CSGALNACT1: variants seen among roughly 807,000 people sequenced by gnomAD.
CSGALNACT1 encodes chondroitin sulfate N-acetylgalactosaminyltransferase 1.
In CSGALNACT1, 52 loss-of-function variants were observed where a neutral mutation model predicts 51.0. The ratio of observed to expected loss-of-function variants is 1.02; its 90% CI spans 0.82 to 1.29. The LOEUF is 1.29. Ranked by LOEUF, CSGALNACT1 falls within the 50% of genes most tolerant of loss-of-function variation. The pLI, the probability that CSGALNACT1 is intolerant of heterozygous loss-of-function variation, is 0.00. For missense variants in CSGALNACT1, 935 were observed against 679.2 expected (o/e 1.38, Z -4.19); for synonymous variants, 341 against 254.4 (o/e 1.34, Z -3.24).
intron 1 of CSGALNACT1, among the ~76,000 whole-genome samples, chr8:19,689,110 C>T (rs1458829737): frequency 6.6e-6 from 1 of 152,144 alleles, no homozygotes; most frequent in African/African-American, 2.4e-5. Context: ...TAATCCATCT[C>T]CTATTGCCCC....
At chr8:19,656,593 C>G (rs61005296) in intron 1 of CSGALNACT1, among the ~76,000 whole-genome samples, 2 of 95,892 alleles carry the variant, frequency 2.1e-5, no homozygotes, top group South Asian at 3.0e-4. Flanking sequence ...GAAACTACGC[C>G]CCCCCCCCAC....
intron 3 of CSGALNACT1, among the ~76,000 whole-genome samples, chr8:19,508,296 G>A (rs1250322082): frequency 6.6e-6 from 1 of 152,176 alleles, no homozygotes; most frequent in Non-Finnish European, 1.5e-5. Context: ...CCCAGGAGAT[G>A]TGCCTTTTAG....
intron 5 of CSGALNACT1, among the ~76,000 whole-genome samples, chr8:19,450,937 TA>T (rs201185027): frequency 1.8e-4 from 27 of 150,052 alleles, no homozygotes; most frequent in African/African-American, 4.7e-4. Flanking sequence ...TAAAAAATAA[TA>T]AAAAAAAAGG....
chr8:19,505,670 C>T, exon 4 of CSGALNACT1: 1 of 1,614,204 alleles, frequency 6.2e-7, no homozygotes, highest in African/African-American at 1.3e-5. Context: ...CCTGGTACCC[C>T]TCCTTCCCCG....
intron 3 of CSGALNACT1, among the ~76,000 whole-genome samples, chr8:19,524,541 T>G (rs569986297): frequency 6.6e-6 from 1 of 152,158 alleles, no homozygotes; most frequent in Non-Finnish European, 1.5e-5. Context: ...AGTCCTAATT[T>G]TTTTAATATT....
At chr8:19,694,629 A>AC (rs1310028003) in intron 1 of CSGALNACT1, among the ~76,000 whole-genome samples, 2 of 152,228 alleles carry the variant, frequency 1.3e-5, no homozygotes, top group Non-Finnish European at 2.9e-5. Flanking sequence ...GTTAGTGCTC[A>AC]CGAGGCCTTC....
At chr8:19,526,243 A>C (rs1312251675) in intron 3 of CSGALNACT1, among the ~76,000 whole-genome samples, 1 of 152,178 alleles carries the variant, frequency 6.6e-6, no homozygotes, top group Admixed American at 6.5e-5. Context: ...CATTTCCTTA[A>C]CTAGAGGGGC....
chr8:19,729,545 G>T (rs1179378193), intron 1 of CSGALNACT1, among the ~76,000 whole-genome samples: 1 of 152,140 alleles, frequency 6.6e-6, no homozygotes, highest in African/African-American at 2.4e-5. Context: ...AGGTTTCAAG[G>T]ATCAGAGGGC....
rs576705648 is a variant in CSGALNACT1 at position 19,718,828 on chromosome 8, G to A, written c.-297+39022C>T. 5.5e-4 allele frequency among the ~76,000 whole-genome samples: 84 copies of A among 152,258 alleles called. 1 individual carries two copies. In the South Asian group the frequency reaches 0.017, roughly 30 times the overall value. The stretch of plus-strand genomic sequence containing the variant: ...CTCTTCTGCAAGGATCACCACGACC[G>A]TGAAGCCCTCTCAGACCACAGGAAT... On this transcript the variant is annotated intron_variant, in intron 1 of 1. Transcript: ENST00000517494.
intron 1 of CSGALNACT1, among the ~76,000 whole-genome samples, chr8:19,694,453 A>G (rs2061487074): frequency 6.6e-6 from 1 of 152,272 alleles, no homozygotes; most frequent in Non-Finnish European, 1.5e-5. Context: ...AATTTTTCAA[A>G]AAGTTAAAAA....
Position 19,667,099 on chromosome 8 carries a change from G to GA in CSGALNACT1, c.-544+15373_-544+15374insT, listed in dbSNP as rs1564387675. 1.4e-3 allele frequency among the ~76,000 whole-genome samples: 158 copies of GA among 111,568 alleles called. 33 individuals are homozygous for GA. The highest frequency in any genetic ancestry group is 3.0e-3 in the African/African-American group (86 of 28,486). 73.2% of individuals were successfully genotyped at this position (111,568 alleles called of 152,430 possible). ...AGAAAGAAAGAAAGAAAGAAAGAAAGGGAAAGAAATCTCATCACAATATCA... is the reference window on the plus strand; with the variant it reads ...AGAAAGAAAGAAAGAAAGAAAGAAAGAGGAAAGAAATCTCATCACAATATCA... On this transcript the variant is annotated intron_variant, in intron 1 of 9. Transcript: ENST00000332246.
At chr8:19,548,515 CT>C (rs1391159839) in intron 3 of CSGALNACT1, among the ~76,000 whole-genome samples, 6 of 152,026 alleles carry the variant, frequency 3.9e-5, no homozygotes, top group African/African-American at 1.2e-4. Context: ...CAATAGATTA[CT>C]TTTCAATATA....
chr8:19,447,917 G>A (rs1336713104), intron 5 of CSGALNACT1, among the ~76,000 whole-genome samples: 3 of 152,218 alleles, frequency 2.0e-5, no homozygotes, highest in Non-Finnish European at 4.4e-5. Context: ...CTCAAGCCAG[G>A]ACTTTTGGGG....
intron 1 of CSGALNACT1, among the ~76,000 whole-genome samples, chr8:19,637,525 C>T (rs1287071032): frequency 6.6e-6 from 1 of 152,184 alleles, no homozygotes; most frequent in Non-Finnish European, 1.5e-5. Flanking sequence ...AAAATAAAAG[C>T]ACTTAAAACT....
At chr8:19,475,538 C>G (rs1398265756) in intron 4 of CSGALNACT1, among the ~76,000 whole-genome samples, 4 of 152,184 alleles carry the variant, frequency 2.6e-5, no homozygotes, top group African/African-American at 9.7e-5. Context: ...TTGTGCCACA[C>G]TTCCCTCCAC....
At chr8:19,553,640 A>ATATATATATATAAATATAT (rs201836569) in intron 3 of CSGALNACT1, among the ~76,000 whole-genome samples, 1 of 117,044 alleles carries the variant, frequency 8.5e-6, no homozygotes, top group Non-Finnish European at 1.7e-5. Context: ...TATATATATA[A>ATATATATATATAAATATAT]AAAAATATGT....
At chr8:19,550,178 G>GTCTTGTT (rs1487985786) in intron 3 of CSGALNACT1, among the ~76,000 whole-genome samples, 8 of 152,230 alleles carry the variant, frequency 5.3e-5, no homozygotes, top group Non-Finnish European at 1.0e-4. Context: ...AAGCGAAGGA[G>GTCTTGTT]TCTTGTTGTG....
In CSGALNACT1 at chr8:19,420,275, G is replaced by T. The variant is rs2057700936; in HGVS notation, c.1132+65C>A. 4 of 1,459,768 alleles carry T rather than the reference G, an allele frequency of 2.7e-6. No homozygotes were observed. In the African/African-American group the frequency reaches 5.6e-5, roughly 20 times the overall value. 90.4% of individuals were successfully genotyped at this position (1,459,768 alleles called of 1,614,324 possible). On this transcript the variant is annotated intron_variant, in intron 7 of 9. Transcript: ENST00000454498. ...GACATCAGAGTGACTGACCCATCAAGAGGACGACACATGGGCCCGAGAGGG... is the reference window on the plus strand; with the variant it reads ...GACATCAGAGTGACTGACCCATCAATAGGACGACACATGGGCCCGAGAGGG...
Position 19,697,077 on chromosome 8 carries a change from C to T in CSGALNACT1, c.-297+60773G>A, listed in dbSNP as rs1490661320. Among the ~76,000 whole-genome samples the T allele has an allele frequency of 5.3e-5, 8 of 151,996 alleles. 1 individual carries two copies. Among genetic ancestry groups the T allele is most frequent in the Non-Finnish European group, 7.4e-5 (5 of 68,010 alleles). ...AATTTCTCCTTTATTCCCACAAGAA[C>T]GGGAAGTGTGAGTTTCAAGTAGGTA... On this transcript the variant is annotated intron_variant, in intron 1 of 1. Transcript: ENST00000517494.
Sources: allele counts gnomAD v4.1 joint callset (sites outside exome capture counted in the v4.1 genomes callset), GRCh38; gene constraint gnomAD v4.1.1; transcripts MANE v1.5; gene names NCBI Gene and HGNC (gene_info 2026-07-23, HGNC 2026-07-21).